NAV1: variants seen among roughly 807,000 people sequenced by gnomAD.
NAV1 encodes the protein neuron navigator 1.
In NAV1, 18 loss-of-function variants were observed where a neutral mutation model predicts 175.2. That is an observed-to-expected ratio of 0.10 (90% CI 0.07 to 0.15). The LOEUF is 0.15. Ranked by LOEUF, NAV1 falls within the 10% of genes least tolerant of loss-of-function variation. The pLI is 1.00. For synonymous variants in NAV1, 897 were observed against 978.7 expected (o/e 0.92, Z 1.56); for missense variants, 1,731 against 2,436.6 (o/e 0.71, Z 6.10).
At chr1:201,582,813 C>A (rs1666904628) in intron 1 of NAV1, among the ~76,000 whole-genome samples, 1 of 152,234 alleles carries the variant, frequency 6.6e-6, no homozygotes, top group South Asian at 2.1e-4. Context: ...GCCTGGTCAA[C>A]AGCCCCTGCC....
chr1:201,765,716 G>A (rs369292597), intron 3 of NAV1, among the ~76,000 whole-genome samples: 1 of 152,136 alleles, frequency 6.6e-6, no homozygotes, highest in Non-Finnish European at 1.5e-5. Context: ...TACAAAATTC[G>A]TGGTAGTAAT....
intron 8 of NAV1, 70 bp downstream of exon 12, chr1:201,785,421 A>T: frequency 2.7e-6 from 4 of 1,488,882 alleles, no homozygotes; most frequent in Admixed American, 1.9e-5. Flanking sequence ...TCATATCTCA[A>T]CCTGTCCAAG....
rs746127136 is a variant in NAV1 at position 201,783,873 on chromosome 1, A to G, written c.2804+21A>G. The stretch of plus-strand genomic sequence containing the variant: ...GACAGGTAGGTAGAAAAGACAGCAG[A>G]ACCTCGGCCTGTCTCCGTGTCTTGG... On this transcript the variant is annotated intron_variant, in intron 7 of 29. Transcript: ENST00000367296. 18 of 1,580,882 alleles carry G rather than the reference A, an allele frequency of 1.1e-5. No homozygotes were observed. In the East Asian group the frequency reaches 2.5e-4, roughly 22 times the overall value.
chr1:201,795,283 A>G (rs1677369316), intron 15 of NAV1: 1 of 152,350 alleles, frequency 6.6e-6, no homozygotes, highest in Admixed American at 6.5e-5. Context: ...GAACATTTTC[A>G]AGAGAGAACT....
chr1:201,756,816 C>CTT (rs1553267166), intron 3 of NAV1, among the ~76,000 whole-genome samples: 11 of 14,726 alleles, frequency 7.5e-4, no homozygotes, highest in Non-Finnish European at 1.5e-3. Context: ...TTCCTTCTTT[C>CTT]TTTCTTTCTT....
At chr1:201,674,397 G>A (rs1330356631) in intron 1 of NAV1, among the ~76,000 whole-genome samples, 1 of 152,096 alleles carries the variant, frequency 6.6e-6, no homozygotes, top group East Asian at 1.9e-4. Context: ...GTGTTGGGGG[G>A]GGTTGTCCAG....
chr1:201,652,132 G>T (rs1363277868), intron 1 of NAV1, among the ~76,000 whole-genome samples: 1 of 151,820 alleles, frequency 6.6e-6, no homozygotes, highest in Non-Finnish European at 1.5e-5. Context: ...GATGTTTCAG[G>T]ATTGTGATTG....
At chr1:201,560,814 C>T (rs895148200) in intron 1 of NAV1, among the ~76,000 whole-genome samples, 6 of 152,200 alleles carry the variant, frequency 3.9e-5, no homozygotes, top group African/African-American at 1.4e-4. Flanking sequence ...TCTGTGGATC[C>T]TTGCCATGAG....
intron 15 of NAV1, chr1:201,795,283 AAG>A: frequency 6.6e-6 from 1 of 152,232 alleles, no homozygotes; most frequent in Non-Finnish European, 1.5e-5. Flanking sequence ...GAACATTTTC[AAG>A]AGAGAACTCC....
At chr1:201,761,260 G>A (rs1265878675) in intron 3 of NAV1, among the ~76,000 whole-genome samples, 1 of 152,198 alleles carries the variant, frequency 6.6e-6, no homozygotes, top group Non-Finnish European at 1.5e-5. Flanking sequence ...AACTGAATAT[G>A]ATACAAAGAA....
intron 1 of NAV1, among the ~76,000 whole-genome samples, chr1:201,555,495 C>T (rs1326826896): frequency 6.6e-6 from 1 of 152,112 alleles, no homozygotes; most frequent in African/African-American, 2.4e-5. Context: ...TGTGGAGCTA[C>T]TAACAGATAT....
At chr1:201,700,895 C>T (rs1421210359) in intron 1 of NAV1, among the ~76,000 whole-genome samples, 8 of 150,296 alleles carry the variant, frequency 5.3e-5, no homozygotes, top group Non-Finnish European at 1.2e-4. Flanking sequence ...CCTGTAGTCC[C>T]AGCTACTCGG....
chr1:201,818,383 C>T (rs1304509271), intron 29 of NAV1, among the ~76,000 whole-genome samples: 7 of 151,948 alleles, frequency 4.6e-5, no homozygotes, highest in African/African-American at 9.7e-5. Flanking sequence ...AAAAAATTAG[C>T]CAGGCGTGGT....
intron 1 of NAV1, among the ~76,000 whole-genome samples, chr1:201,661,156 C>A (rs1329392761): frequency 6.6e-6 from 1 of 152,206 alleles, no homozygotes; most frequent in Non-Finnish European, 1.5e-5. Context: ...GACTCTACTG[C>A]CTCTTGCACA....
chr1:201,610,608 A>G (rs77732831), intron 2 of NAV1, among the ~76,000 whole-genome samples: 3,620 of 152,338 alleles, frequency 0.024, 141 homozygotes, highest in African/African-American at 0.082. Context: ...CCGCAGGCAC[A>G]GGTGCAGGAC....
intron 1 of NAV1, among the ~76,000 whole-genome samples, chr1:201,559,577 G>A (rs1666135716): frequency 6.6e-6 from 1 of 151,992 alleles, no homozygotes. Flanking sequence ...AGCACTGATC[G>A]CTGAAGCTGG....
At chr1:201,646,746 G>A (rs891126819), upstream of NAV1, among the ~76,000 whole-genome samples, 3 of 152,122 alleles carry the variant, frequency 2.0e-5, no homozygotes, top group East Asian at 1.9e-4. Flanking sequence ...CAAACCCAGC[G>A]TACAGTGCTC....
chr1:201,653,286 G>T (rs1222499901), intron 1 of NAV1, among the ~76,000 whole-genome samples: 2 of 152,172 alleles, frequency 1.3e-5, no homozygotes, highest in African/African-American at 4.8e-5. Context: ...GGAAAAGGGG[G>T]CAAAGTGAGA....
chr1:201,760,645 GTAT>G (rs1416772152), intron 3 of NAV1, among the ~76,000 whole-genome samples: 1 of 152,340 alleles, frequency 6.6e-6, no homozygotes, highest in African/African-American at 2.4e-5. Flanking sequence ...TGGTTTCTCA[GTAT>G]TATTTTTGAA....
Sources: gnomAD v4.1 joint callset for allele counts (sites outside exome capture counted in the v4.1 genomes callset) on GRCh38, gnomAD v4.1.1 for gene constraint, MANE v1.5 for transcripts, NCBI Gene and HGNC (gene_info 2026-07-23, HGNC 2026-07-21) for gene names.